CIRBP: variants seen among roughly 807,000 people sequenced by gnomAD.
CIRBP encodes the protein cold-inducible RNA-binding protein.
In CIRBP, 11 loss-of-function variants were observed where a neutral mutation model predicts 22.3. That is an observed-to-expected ratio of 0.49 (90% CI 0.31 to 0.82). CIRBP has a LOEUF of 0.82. Among genes scored for constraint, CIRBP ranks in the 40% least tolerant of loss-of-function variants. The pLI is 0.05. For synonymous variants in CIRBP, 216 were observed against 158.8 expected (o/e 1.36, Z -2.71); for missense variants, 456 against 402.7 (o/e 1.13, Z -1.13).
chr19:1,269,743 G>A (rs1334238889), intron 1 of CIRBP: 3 of 389,342 alleles, frequency 7.7e-6, no homozygotes, highest in Admixed American at 3.1e-5. Context: ...GCGGGGGCGG[G>A]GCCACGTGGC....
Position 1,271,639 on chromosome 19 carries a change from G to A in CIRBP, c.431+7G>A. The A allele has an allele frequency of 2.0e-6, 3 of 1,501,126 alleles. No homozygotes were observed. Among genetic ancestry groups the A allele is most frequent in the Non-Finnish European group, 2.7e-6 (3 of 1,104,402 alleles). The allele number at this position is 1,501,126 out of a possible 1,614,324, so 93.0% of individuals were successfully genotyped here. A position where few individuals can be genotyped will look rare whatever the true frequency, so the allele number is the denominator to read the frequency against. On this transcript the variant is annotated splice_region_variant and intron_variant, in intron 5 of 5. Coordinates refer to ENST00000587896, the MANE Select transcript of CIRBP (RefSeq NM_001300829.2). The stretch of plus-strand genomic sequence containing the variant: ...CCAGAGACTACTATAGCAGGTGAGG[G>A]GGAGGCCGGCCCAAGCACAGGGGTG...
intron 1 of CIRBP, among the ~76,000 whole-genome samples, chr19:1,270,604 C>G (rs2081322873): frequency 6.6e-6 from 1 of 151,860 alleles, no homozygotes; most frequent in Admixed American, 6.6e-5. Flanking sequence ...CCCATCTCTA[C>G]TAAAACAAAT....
At chr19:1,270,082 G>C (rs1425807594) in intron 1 of CIRBP, 1 of 519,866 alleles carries the variant, frequency 1.9e-6, no homozygotes, top group East Asian at 5.4e-5. Flanking sequence ...TAAATAGCCA[G>C]TTCTCCTAAA....
At chr19:1,270,869 A>G in intron 1 of CIRBP, 59 bp from the exon 2 acceptor site, 1 of 1,010,430 alleles carries the variant, frequency 9.9e-7, no homozygotes, top group East Asian at 2.4e-5. Context: ...TAAAATAGGA[A>G]GCGGGGAGAG....
Position 1,271,049 on chromosome 19 carries a change from C to G in CIRBP, c.103+13C>G. The G allele has an allele frequency of 1.2e-6, 2 of 1,612,746 alleles. No homozygotes were observed. Among genetic ancestry groups the G allele is most frequent in the Non-Finnish European group, 1.7e-6 (2 of 1,178,834 alleles). ...CAGATCTCTGAAGGTGAGGCTGCTG[C>G]TGGGCCCGCGGCCCTGGGCGGGGGG... On this transcript the variant is annotated intron_variant, in intron 2 of 5. Transcript: ENST00000587896.
Position 1,272,472 on chromosome 19 carries a change from C to T in CIRBP, c.*29C>T. The T allele has an allele frequency of 6.7e-7, 1 of 1,494,300 alleles. No homozygotes were observed. The highest frequency in any genetic ancestry group is 2.3e-5 in the East Asian group (1 of 43,870). 92.6% of individuals were successfully genotyped at this position (1,494,300 alleles called of 1,614,324 possible). On this transcript the variant is annotated 3_prime_UTR_variant, in exon 6 of 6. Transcript: ENST00000587896. ...CCCTTCCTGCTCAAGATCGTCCTTCCAATGGCTGTGTGTTTAAAGATTGTG... is the reference window on the plus strand; with the variant it reads ...CCCTTCCTGCTCAAGATCGTCCTTCTAATGGCTGTGTGTTTAAAGATTGTG...
rs1295589626 is a variant in CIRBP at position 1,273,877 on chromosome 19, A to C, written c.*1434A>C. On this transcript the variant is annotated 3_prime_UTR_variant, in exon 6 of 6. Transcript: ENST00000587896. ...GGAACTAAAGTCAGGCCCAGCCATT[A>C]CGCTCCCCACGTGCAGCCAGGTGCA... The C allele has an allele frequency of 6.1e-6, 1 of 165,190 alleles. No homozygotes were observed. Among genetic ancestry groups the C allele is most frequent in the Non-Finnish European group, 1.3e-5 (1 of 77,328 alleles). 10.2% of individuals were successfully genotyped at this position (165,190 alleles called of 1,614,324 possible). A position where few individuals can be genotyped will look rare whatever the true frequency, so the allele number is the denominator to read the frequency against.
In CIRBP at chr19:1,272,294, C is replaced by A. The variant is rs772958212; in HGVS notation, c.745C>A (p.Arg249Ser). 2 of 1,613,296 alleles carry A rather than the reference C, an allele frequency of 1.2e-6. No homozygotes were observed. Among genetic ancestry groups the A allele is most frequent in the South Asian group, 2.2e-5 (2 of 91,070 alleles). ...AGQSARCMCG[R>S]RPASLGCGGW... Reference sequence around the variant, plus strand: ...GCAGTCAGCTAGGTGCATGTGTGGCCGCAGGCCAGCCTCCCTCGGCTGTGG... The same window carrying A: ...GCAGTCAGCTAGGTGCATGTGTGGCAGCAGGCCAGCCTCCCTCGGCTGTGG... Residue 249 changes from arginine (R) to serine (S), a missense_variant, in exon 6 of 6, where the codon CGC becomes AGC. Around this residue, in one of 2 missense-constraint regions of CIRBP, gnomAD observed 426 missense variants for 339.6 expected, o/e 1.25. Transcript: ENST00000587896.
chr19:1,271,337 T>C lies in CIRBP; in HGVS notation c.219T>C (p.Asp73=), dbSNP rs1006180661. The change falls in exon 4 of 6, where the codon GAT becomes GAC. Residue 73 remains aspartate (D), a synonymous_variant. Transcript: ENST00000587896. Reference sequence around the variant, plus strand: ...CCGCCCTCTGTCTCCAGTCTGTAGATGGACGGCAGATCCGAGTAGACCAGG... The same window carrying C: ...CCGCCCTCTGTCTCCAGTCTGTAGACGGACGGCAGATCCGAGTAGACCAGG... ...AMMAMNGKSV[D]GRQIRVDQAG... is the part of the protein sequence containing the mutation. 1.2e-6 allele frequency: 2 copies of C among 1,614,018 alleles called. No homozygotes were observed. The highest frequency in any genetic ancestry group is 2.7e-5 in the African/African-American group (2 of 75,030).
In CIRBP at chr19:1,272,253, A is replaced by T. The variant is rs754859660; in HGVS notation, c.704A>T (p.Glu235Val). ...PNETDQKGKG[E>V]RGPAGQSARC... ...GAGACTGACCAAAAAGGCAAGGGAG[A>T]GCGAGGGCCCGCTGGGCAGTCAGCT... The change falls in exon 6 of 6, where the codon GAG (glutamate) becomes GTG (valine). Residue 235 changes from glutamate to valine, a missense_variant. This residue lies in a region of CIRBP where 426 missense variants were observed against 339.6 expected (regional missense o/e 1.25). Transcript: ENST00000587896. 3 of 1,607,882 alleles carry T rather than the reference A, an allele frequency of 1.9e-6. No individual in the cohort carries two copies. In the African/African-American group the frequency reaches 4.0e-5, roughly 21 times the overall value.
intron 3 of CIRBP, 36 bp downstream of exon 3, chr19:1,271,282 G>A (rs766679413): frequency 8.7e-6 from 14 of 1,613,922 alleles, no homozygotes; most frequent in African/African-American, 5.3e-5. Context: ...GTCCCGTCTC[G>A]AGGATGGGGC....
intron 1 of CIRBP, chr19:1,270,101 C>A (rs375258492): frequency 1.9e-6 from 1 of 519,558 alleles, no homozygotes; most frequent in East Asian, 5.5e-5. Context: ...AATGCCACTT[C>A]CCCTGCCTGG....
chr19:1,271,276 C>T (rs776817083), intron 3 of CIRBP, 30 bp downstream of exon 3: 35 of 1,613,808 alleles, frequency 2.2e-5, no homozygotes, highest in Admixed American at 5.0e-5. Flanking sequence ...GCAGGAGTCC[C>T]GTCTCGAGGA....
rs1244468624 is a variant in CIRBP, at chr19:1,273,305, A to AAGGG, written c.*866_*869dup. The AAGGG allele has an allele frequency of 6.6e-6, 1 of 152,300 alleles. No individual in the cohort carries two copies. The highest frequency in any genetic ancestry group is 1.5e-5 in the Non-Finnish European group (1 of 68,108). The allele number at this position is 152,300 out of a possible 1,614,324, so 9.4% of individuals were successfully genotyped here. A position where few individuals can be genotyped will look rare whatever the true frequency, so the allele number is the denominator to read the frequency against. ...CTTCCCTGGGGCCTGCAGAGCTAGA[A>AAGGG]AGGGAGGCCCAGCAGACTGGCGCTG... On this transcript the variant is annotated 3_prime_UTR_variant, in exon 6 of 6. Transcript: ENST00000587896.
rs1409133678 is a variant in CIRBP, at chr19:1,272,753, T to G, written c.*310T>G. On this transcript the variant is annotated 3_prime_UTR_variant, in exon 6 of 6. Transcript: ENST00000587896. ...GGGGGTTGTGTGGGTTTTTGGTTTT[T>G]GTTTTAGTTTTTGGTTGCGTTGCCT... 1.2e-5 allele frequency: 3 copies of G among 259,980 alleles called. No individual in the cohort carries two copies. The highest frequency in any genetic ancestry group is 9.9e-5 in the Admixed American group (2 of 20,244). The allele number at this position is 259,980 out of a possible 1,614,324, so 16.1% of individuals were successfully genotyped here.
intron 1 of CIRBP, chr19:1,270,341 TAGG>T (rs879441097): frequency 4.8e-5 from 17 of 353,712 alleles, no homozygotes; most frequent in African/African-American, 1.7e-4. Context: ...CGTTCGGAAA[TAGG>T]AGAACCTGAG....
intron 1 of CIRBP, chr19:1,269,777 T>A (rs949545684): frequency 1.7e-5 from 8 of 478,814 alleles, no homozygotes; most frequent in Non-Finnish European, 3.4e-5. Flanking sequence ...AGGGCCGCTT[T>A]CCCGGCCTTG....
At chr19:1,269,557 G>A in intron 1 of CIRBP, 147 bp downstream of exon 1, 1 of 165,654 alleles carries the variant, frequency 6.0e-6, no homozygotes, top group South Asian at 1.4e-4. Context: ...GGGACAGCGG[G>A]AGATTGGGCC....
intron 1 of CIRBP, among the ~76,000 whole-genome samples, chr19:1,270,677 G>C (rs372958449): frequency 1.8e-4 from 28 of 152,270 alleles, no homozygotes; most frequent in Middle Eastern, 3.4e-3. Context: ...GGAGGCTGAG[G>C]TAGGAGGATT....
Sources: gnomAD v4.1 joint callset for allele counts (sites outside exome capture counted in the v4.1 genomes callset) on GRCh38, gnomAD v4.1.1 for gene constraint, gnomAD v4.1.1 regional missense constraint, MANE v1.5 for transcripts, NCBI Gene and HGNC (gene_info 2026-07-23, HGNC 2026-07-21) for gene names.